The following PIP5K1B variants were observed in gnomAD, a reference collection of about 807,000 sequenced individuals.
The protein encoded by PIP5K1B is phosphatidylinositol 4-phosphate 5-kinase type-1 beta.
Under a neutral mutation model 67.0 loss-of-function variants are expected in PIP5K1B, and 42 were observed. The ratio of observed to expected loss-of-function variants is 0.63; its 90% CI spans 0.49 to 0.81. The LOEUF (loss-of-function observed/expected upper bound fraction) is 0.81. PIP5K1B is among the 30% of genes least tolerant of loss of function. The pLI, the probability that PIP5K1B is intolerant of heterozygous loss-of-function variation, is 0.00. For synonymous variants in PIP5K1B, 214 were observed against 231.4 expected, an observed-to-expected ratio of 0.92 and a Z score of 0.68; for missense variants, 459 against 646.3, an observed-to-expected ratio of 0.71 and a Z score of 3.14.
chr9:68,822,690 GT>G lies in PIP5K1B; in HGVS notation c.69+8del. The G allele has an allele frequency of 6.2e-7, 1 of 1,600,204 alleles. No individual in the cohort carries two copies. Among genetic ancestry groups the G allele is most frequent in the Non-Finnish European group, 8.6e-7 (1 of 1,168,334 alleles). On this transcript the variant is annotated splice_region_variant and intron_variant, in intron 4 of 15. Transcript: ENST00000265382. Reference sequence around the variant, plus strand: ...AGAAAAAACCTATAAAAAGGTGAGTGTGCATTTTATTTTCTAAAGAGGAACA... The same window carrying G: ...AGAAAAAACCTATAAAAAGGTGAGTGGCATTTTATTTTCTAAAGAGGAACA...
chr9:68,788,377 C>T lies in PIP5K1B; in HGVS notation c.-85-30084C>T, dbSNP rs116543606. On this transcript the variant is annotated intron_variant, in intron 2 of 15. Transcript: ENST00000265382. ...GCCCTTAAAGGGTTTGTACTTTTCT[C>T]CATACATATCCAGATGACCCTAAGT... 1.3e-3 allele frequency: 1,135 copies of T among 891,666 alleles called. 10 individuals are homozygous for T. The African/African-American group carries it at 0.017, about 13-fold the overall frequency. The allele number at this position is 891,666 out of a possible 1,614,324, so 55.2% of individuals were successfully genotyped here.
intron 1 of PIP5K1B, among the ~76,000 whole-genome samples, chr9:68,709,581 A>G (rs1265896772): frequency 6.6e-6 from 1 of 152,128 alleles, no homozygotes; most frequent in African/African-American, 2.4e-5. Context: ...GCTTATGTGC[A>G]TCACCAGACT....
intron 15 of PIP5K1B, among the ~76,000 whole-genome samples, chr9:68,997,697 T>C (rs1830654666): frequency 1.3e-5 from 2 of 152,280 alleles, no homozygotes; most frequent in South Asian, 4.1e-4. Flanking sequence ...GCTGAGAAAA[T>C]GGACCTCCCA....
intron 14 of PIP5K1B, among the ~76,000 whole-genome samples, chr9:68,960,133 G>A (rs1423308381): frequency 1.3e-5 from 2 of 152,170 alleles, no homozygotes; most frequent in South Asian, 2.1e-4. Context: ...ATGTCTTTAT[G>A]CTAACGTCAC....
intron 1 of PIP5K1B, among the ~76,000 whole-genome samples, chr9:68,711,181 C>G (rs965082326): frequency 6.6e-6 from 1 of 152,216 alleles, no homozygotes; most frequent in East Asian, 1.9e-4. Context: ...TAAAAATGTG[C>G]TTTCCTTGCT....
intron 2 of PIP5K1B, chr9:68,780,866 T>A (rs770723088): frequency 4.8e-5 from 78 of 1,614,116 alleles, no homozygotes; most frequent in Non-Finnish European, 6.6e-5. Flanking sequence ...AGCTGTCAGA[T>A]CCTGGTGTGT....
intron 4 of PIP5K1B, among the ~76,000 whole-genome samples, chr9:68,832,138 C>T (rs1273083361): frequency 3.9e-5 from 6 of 152,060 alleles, no homozygotes; most frequent in Non-Finnish European, 4.4e-5. Context: ...CAAAAAAATC[C>T]CTTGGGCACT....
At chr9:68,731,511 G>C (rs746357244) in intron 1 of PIP5K1B, among the ~76,000 whole-genome samples, 1 of 152,198 alleles carries the variant, frequency 6.6e-6, no homozygotes, top group Non-Finnish European at 1.5e-5. Context: ...ATTTTGAAAG[G>C]TGCGGAGGGC....
Position 68,989,600 on chromosome 9 carries a change from C to G in PIP5K1B, c.1503-1540C>G, listed in dbSNP as rs4745467. On this transcript the variant is annotated intron_variant, in intron 14 of 15. Transcript: ENST00000265382. The stretch of plus-strand genomic sequence containing the variant: ...AAAACCTTCCCATGGCAAATTTCCA[C>G]AGGTTAAAAACATAACTTTGATTTT... 1.4e-3 allele frequency among the ~76,000 whole-genome samples: 220 copies of G among 152,000 alleles called. 1 individual carries two copies. The East Asian group carries it at 0.019, about 13-fold the overall frequency.
rs143124374 is a variant in PIP5K1B, at chr9:68,819,876, G to A, written c.-1+1331G>A. 3.5e-3 allele frequency among the ~76,000 whole-genome samples: 533 copies of A among 152,052 alleles called. 1 individual carries two copies. The highest frequency in any genetic ancestry group is 0.012 in the African/African-American group (486 of 41,450). On this transcript the variant is annotated intron_variant, in intron 3 of 15. Transcript: ENST00000265382. ...ATCCAGATGATAGTTCATGGCCTTC[G>A]TTTATCATTATTTTATGTTTTGTGC...
In PIP5K1B at chr9:68,921,967, A is replaced by T. The variant is rs537658700; in HGVS notation, c.1117-1335A>T. Among the ~76,000 whole-genome samples, 268 of 152,340 alleles carry T rather than the reference A, an allele frequency of 1.8e-3. 2 individuals are homozygous for T. Among genetic ancestry groups the T allele is most frequent in the African/African-American group, 6.2e-3 (257 of 41,578 alleles). On this transcript the variant is annotated intron_variant, in intron 11 of 15. Transcript: ENST00000265382. ...AACCTATTTTTGTTTGTTTTCAGAC[A>T]TGGCTCTTACTTAAACAATGTTTAT...
At chr9:68,770,927 T>C (rs545594417) in intron 2 of PIP5K1B, among the ~76,000 whole-genome samples, 2 of 152,268 alleles carry the variant, frequency 1.3e-5, no homozygotes, top group East Asian at 3.9e-4. Context: ...TATATGACAG[T>C]CTGGAAATGT....
chr9:68,779,979 T>G (rs972058), intron 2 of PIP5K1B: 249,528 of 701,540 alleles, frequency 0.36, 45,252 homozygotes, highest in African/African-American at 0.47. Context: ...GCGCACATAT[T>G]ACGCATTAAG....
intron 2 of PIP5K1B, among the ~76,000 whole-genome samples, chr9:68,757,397 G>A (rs1342681129): frequency 6.6e-6 from 1 of 152,092 alleles, no homozygotes; most frequent in Non-Finnish European, 1.5e-5. Flanking sequence ...TCAGATAGGA[G>A]AAACTTCAGA....
intron 14 of PIP5K1B, among the ~76,000 whole-genome samples, chr9:68,975,007 T>G (rs1829565825): frequency 6.6e-6 from 1 of 152,218 alleles, no homozygotes; most frequent in Non-Finnish European, 1.5e-5. Flanking sequence ...CTAATAAAGG[T>G]TTAAAAAATG....
chr9:69,002,108 C>A (rs115783183), intron 15 of PIP5K1B, among the ~76,000 whole-genome samples: 82 of 152,338 alleles, frequency 5.4e-4, no homozygotes, highest in African/African-American at 1.9e-3. Flanking sequence ...TGGAGGCCGG[C>A]AGGAGGCCTG....
chr9:68,851,666 A>G (rs1280140764), intron 4 of PIP5K1B, among the ~76,000 whole-genome samples: 1 of 152,216 alleles, frequency 6.6e-6, no homozygotes, highest in African/African-American at 2.4e-5. Context: ...ATGGAAAAGG[A>G]CAGCATGGAA....
chr9:68,753,074 C>G (rs1587389925), intron 2 of PIP5K1B, among the ~76,000 whole-genome samples: 4 of 152,074 alleles, frequency 2.6e-5, no homozygotes, highest in Admixed American at 2.6e-4. Context: ...AGGTAGGGAT[C>G]TAACTTCATA....
intron 4 of PIP5K1B, among the ~76,000 whole-genome samples, chr9:68,841,126 C>G (rs529409521): frequency 1.3e-5 from 2 of 152,278 alleles, no homozygotes; most frequent in African/African-American, 4.8e-5. Context: ...ATAAATGTAC[C>G]TTCAATACCT....
Sources: allele counts gnomAD v4.1 joint callset (sites outside exome capture counted in the v4.1 genomes callset), GRCh38; gene constraint gnomAD v4.1.1; transcripts MANE v1.5; gene names NCBI Gene and HGNC (gene_info 2026-07-23, HGNC 2026-07-21).